The following ABTB3 variants were observed in gnomAD, a reference collection of about 807,000 sequenced individuals.
The protein encoded by ABTB3 is ankyrin repeat- and BTB/POZ domain-containing protein 3.
the ABTB3 span, chr12:107,616,985 G>A: frequency 1.7e-6 from 2 of 1,163,684 alleles, no homozygotes; most frequent in African/African-American, 3.0e-5. Flanking sequence ...CAACCTAGAG[G>A]GAGGGAAGGA....
chr12:107,469,946 T>TC, the ABTB3 span, among the ~76,000 whole-genome samples: 36 of 37,540 alleles, frequency 9.6e-4, no homozygotes, highest in East Asian at 6.7e-3. Flanking sequence ...TTCTTTCTCT[T>TC]TCTTTCTTTC....
chr12:107,400,434 G>A, the ABTB3 span, among the ~76,000 whole-genome samples: 1 of 152,108 alleles, frequency 6.6e-6, no homozygotes, highest in Non-Finnish European at 1.5e-5. Flanking sequence ...ATATACAGGT[G>A]GGTTTGAGAA....
At chr12:107,346,621 G>A in the ABTB3 span, among the ~76,000 whole-genome samples, 1 of 152,090 alleles carries the variant, frequency 6.6e-6, no homozygotes, top group African/African-American at 2.4e-5. Flanking sequence ...CACCACGCCT[G>A]GCTAATTTTC....
chr12:107,338,753 CT>C, the ABTB3 span, among the ~76,000 whole-genome samples: 1 of 152,212 alleles, frequency 6.6e-6, no homozygotes, highest in Non-Finnish European at 1.5e-5. Flanking sequence ...CCCCTACCCT[CT>C]TATCAGCAGT....
the ABTB3 span, among the ~76,000 whole-genome samples, chr12:107,443,135 T>C: frequency 1.3e-5 from 2 of 152,112 alleles, no homozygotes; most frequent in East Asian, 1.9e-4. Context: ...GATTTCAACA[T>C]AGGAATTTGG....
the ABTB3 span, among the ~76,000 whole-genome samples, chr12:107,503,476 C>A: frequency 6.6e-6 from 1 of 151,944 alleles, no homozygotes; most frequent in Non-Finnish European, 1.5e-5. Context: ...CAATAAAAGG[C>A]ATGGATAAGG....
At chr12:107,592,098 C>G in the ABTB3 span, among the ~76,000 whole-genome samples, 1 of 152,218 alleles carries the variant, frequency 6.6e-6, no homozygotes, top group Admixed American at 6.5e-5. Context: ...CTACATCCAT[C>G]TAGCGTCATC....
At chr12:107,548,214 A>G in the ABTB3 span, among the ~76,000 whole-genome samples, 1 of 151,848 alleles carries the variant, frequency 6.6e-6, no homozygotes, top group Non-Finnish European at 1.5e-5. Context: ...CTGCAATTCT[A>G]TCAAACAGGA....
the ABTB3 span, among the ~76,000 whole-genome samples, chr12:107,626,977 A>G: frequency 6.6e-6 from 1 of 152,132 alleles, no homozygotes; most frequent in East Asian, 1.9e-4. Context: ...ACAAGACCCC[A>G]TCTCTAAAAA....
chr12:107,422,572 G>C, the ABTB3 span, among the ~76,000 whole-genome samples: 1 of 152,240 alleles, frequency 6.6e-6, no homozygotes, highest in African/African-American at 2.4e-5. Flanking sequence ...TTAGGTGAGA[G>C]ATCTTGATGG....
At chr12:107,555,335 G>A in the ABTB3 span, among the ~76,000 whole-genome samples, 8 of 152,276 alleles carry the variant, frequency 5.3e-5, no homozygotes, top group East Asian at 3.9e-4. Context: ...GCTTCTACTC[G>A]GTTGCCAAGG....
the ABTB3 span, among the ~76,000 whole-genome samples, chr12:107,539,918 T>A: frequency 6.6e-6 from 1 of 152,190 alleles, no homozygotes; most frequent in African/African-American, 2.4e-5. Context: ...GCTGCCCTTA[T>A]GTCTTCCCTG....
chr12:107,613,517 G>A, the ABTB3 span, among the ~76,000 whole-genome samples: 1 of 152,044 alleles, frequency 6.6e-6, no homozygotes, highest in South Asian at 2.1e-4. Flanking sequence ...CCGCTGCCAT[G>A]GTGACTTGCT....
chr12:107,383,570 G>T, the ABTB3 span, among the ~76,000 whole-genome samples: 2 of 152,006 alleles, frequency 1.3e-5, no homozygotes, highest in Non-Finnish European at 2.9e-5. Context: ...CCAGCACATA[G>T]TAAGTGGTCA....
chr12:107,586,360 G>A, the ABTB3 span, among the ~76,000 whole-genome samples: 4 of 152,312 alleles, frequency 2.6e-5, no homozygotes, highest in South Asian at 2.1e-4. Flanking sequence ...CCTGGGCCCA[G>A]CGTGTGGCTC....
At chr12:107,368,510 C>T in the ABTB3 span, among the ~76,000 whole-genome samples, 2 of 152,164 alleles carry the variant, frequency 1.3e-5, no homozygotes, top group Non-Finnish European at 2.9e-5. Flanking sequence ...CAACTAGTTG[C>T]ATCCAATTCC....
At chr12:107,640,532 CAAG>C in the ABTB3 span, 1 of 599,940 alleles carries the variant, frequency 1.7e-6, no homozygotes, top group Non-Finnish European at 2.9e-6. Context: ...TTCACAAAAT[CAAG>C]AATTCAAGAG....
At chr12:107,525,323 T>G in the ABTB3 span, among the ~76,000 whole-genome samples, 1 of 11,002 alleles carries the variant, frequency 9.1e-5, no homozygotes, top group African/African-American at 4.2e-4. Context: ...CAAGATCCTG[T>G]CAAAAAAAAA....
chr12:107,538,233 G>A, the ABTB3 span, among the ~76,000 whole-genome samples: 1 of 152,236 alleles, frequency 6.6e-6, no homozygotes, highest in South Asian at 2.1e-4. Flanking sequence ...GTGGGGGAGA[G>A]CCAGATGGCA....
Sources: allele counts gnomAD v4.1 joint callset (sites outside exome capture counted in the v4.1 genomes callset), GRCh38; gene constraint gnomAD v4.1.1; transcripts MANE v1.5; gene names NCBI Gene and HGNC (gene_info 2026-07-23, HGNC 2026-07-21).